Variants in CLMN observed in about 807,000 individuals in gnomAD.
CLMN encodes the protein calmin (calponin-like, transmembrane).
In CLMN, 57 loss-of-function variants were observed where a neutral mutation model predicts 92.7. That is an observed-to-expected ratio of 0.61 (90% CI 0.50 to 0.77). The LOEUF is 0.77. Ranked by LOEUF, CLMN falls within the 30% of genes least tolerant of loss-of-function variation. The pLI, the probability that CLMN is intolerant of heterozygous loss-of-function variation, is 0.00. For missense variants in CLMN, 1,158 were observed against 1,237.5 expected, an observed-to-expected ratio of 0.94 and a Z score of 0.96; for synonymous variants, 466 against 470.6, an observed-to-expected ratio of 0.99 and a Z score of 0.13.
chr14:95,302,748 A>G lies in CLMN; in HGVS notation c.82+16963T>C, dbSNP rs1177072411. On this transcript the variant is annotated intron_variant, in intron 1 of 12. Coordinates refer to ENST00000298912, the MANE Select transcript of CLMN (RefSeq NM_024734.4). ...GGGCTTGACTATTTGTTCAAGTGACATTACAGATAGAAGAGACCAACACAC... is the reference window on the plus strand; with the variant it reads ...GGGCTTGACTATTTGTTCAAGTGACGTTACAGATAGAAGAGACCAACACAC... Among the ~76,000 whole-genome samples, 3 of 152,186 alleles carry G rather than the reference A, an allele frequency of 2.0e-5. No homozygotes were observed. In the East Asian group the frequency reaches 5.8e-4, roughly 29 times the overall value.
At position 95,268,494 on chromosome 14, in the gene CLMN, G is replaced by C. The variant is rs116646859; in HGVS notation, c.83-38361C>G. Among the ~76,000 whole-genome samples the C allele has an allele frequency of 1.4e-3, 220 of 152,212 alleles. 1 individual carries two copies. The highest frequency in any genetic ancestry group is 5.1e-3 in the African/African-American group (212 of 41,548). ...ACTGGATTTGAAGTTGCTGGGGGTA[G>C]TGACTGAGAAGGAAGGGTGGGGGCA... On this transcript the variant is annotated intron_variant, in intron 1 of 12. Coordinates refer to ENST00000298912, the MANE Select transcript of CLMN (RefSeq NM_024734.4).
rs774481758 is a variant in CLMN, at chr14:95,203,561, C to T, written c.1788G>A (p.Glu596=). Reference sequence around the variant, plus strand: ...GTTTTTCAGCATGATTCTCAAAAGCCTCAGCATCCTCGTCAGGTTTTGTCT... The same window carrying T: ...GTTTTTCAGCATGATTCTCAAAAGCTTCAGCATCCTCGTCAGGTTTTGTCT... ...PHETKPDEDA[E]AFENHAEKLG... Residue 596 remains glutamate (E), a synonymous_variant, in exon 9 of 13, where the codon GAG becomes GAA. Coordinates refer to ENST00000298912, the MANE Select transcript of CLMN (RefSeq NM_024734.4). 1 of 1,614,158 alleles carries T rather than the reference C, an allele frequency of 6.2e-7. No homozygotes were observed. The highest frequency in any genetic ancestry group is 1.1e-5 in the South Asian group (1 of 91,078).
chr14:95,233,534 C>T (rs1051995530), intron 1 of CLMN, among the ~76,000 whole-genome samples: 1 of 152,198 alleles, frequency 6.6e-6, no homozygotes, highest in Non-Finnish European at 1.5e-5. Flanking sequence ...ATGATAGGCT[C>T]TCTGGGCAAA....
chr14:95,238,993 G>A (rs529339420), intron 1 of CLMN, among the ~76,000 whole-genome samples: 54 of 152,178 alleles, frequency 3.5e-4, no homozygotes, highest in African/African-American at 1.1e-3. Context: ...AAATAAAACC[G>A]CTCTAGTTTT....
At chr14:95,262,490 G>C (rs76919854) in intron 1 of CLMN, among the ~76,000 whole-genome samples, 13,801 of 152,250 alleles carry the variant, frequency 0.091, 649 homozygotes, top group African/African-American at 0.12. Flanking sequence ...GGCAGGCACT[G>C]TGCTTAGGGC....
At chr14:95,283,390 AC>A (rs1441489125) in intron 1 of CLMN, among the ~76,000 whole-genome samples, 3 of 152,220 alleles carry the variant, frequency 2.0e-5, no homozygotes, top group Non-Finnish European at 4.4e-5. Context: ...TGAAAAATGA[AC>A]TAATACAGTA....
At chr14:95,224,790 CATCT>C (rs1485220157) in intron 2 of CLMN, among the ~76,000 whole-genome samples, 1 of 152,204 alleles carries the variant, frequency 6.6e-6, no homozygotes, top group Non-Finnish European at 1.5e-5. Context: ...AGGGCTCCCC[CATCT>C]CCAAGACTGC....
chr14:95,241,008 T>C (rs2140654626), intron 1 of CLMN, among the ~76,000 whole-genome samples: 1 of 152,282 alleles, frequency 6.6e-6, no homozygotes, highest in East Asian at 1.9e-4. Flanking sequence ...ATCTGTTGTG[T>C]TGTCCCTTAG....
intron 1 of CLMN, among the ~76,000 whole-genome samples, chr14:95,306,081 A>G (rs1008635001): frequency 3.9e-5 from 6 of 152,216 alleles, no homozygotes; most frequent in African/African-American, 1.4e-4. Flanking sequence ...GGCAGGAAGC[A>G]GGAGATCTGA....
intron 4 of CLMN, among the ~76,000 whole-genome samples, chr14:95,220,734 G>C (rs1897510180): frequency 6.6e-6 from 1 of 152,242 alleles, no homozygotes; most frequent in Non-Finnish European, 1.5e-5. Flanking sequence ...CTGAGGCCCA[G>C]GCTGTGCAGC....
Position 95,191,775 on chromosome 14 carries a change from C to T in CLMN, c.2841-43G>A. 1.3e-6 allele frequency: 2 copies of T among 1,560,564 alleles called. No individual in the cohort carries two copies. The highest frequency in any genetic ancestry group is 2.3e-5 in the East Asian group (1 of 44,232). On this transcript the variant is annotated intron_variant, in intron 12 of 12. Coordinates refer to ENST00000298912, the MANE Select transcript of CLMN (RefSeq NM_024734.4). The surrounding 1 kb of genome is among the most constrained non-coding windows in gnomAD (Gnocchi z 5.3). ...AGGAAACGCAGTTACCAAGCAGGTT[C>T]CCAGGAAAGTGGACCCCACCCAGTG...
In CLMN at chr14:95,294,688, T is replaced by G. The variant is rs1693987455; in HGVS notation, c.82+25023A>C. 6.6e-6 allele frequency among the ~76,000 whole-genome samples: 1 copy of G among 152,172 alleles called. No homozygotes were observed. The highest frequency in any genetic ancestry group is 1.5e-5 in the Non-Finnish European group (1 of 68,036). ...GCACACCCCTCCTCCTACTTCATCT[T>G]CCTTTCTCTCCCTGCCCTGTGTCCT... On this transcript the variant is annotated intron_variant, in intron 1 of 12. Coordinates refer to ENST00000298912, the MANE Select transcript of CLMN (RefSeq NM_024734.4). The surrounding 1 kb of genome is among the most constrained non-coding windows in gnomAD (Gnocchi z 4.2).
chr14:95,199,398 T>G (rs770992456), intron 9 of CLMN: 2 of 152,204 alleles, frequency 1.3e-5, no homozygotes, highest in Non-Finnish European at 2.9e-5. Context: ...TCCCGCAGGG[T>G]GCAAGCCTCT....
chr14:95,198,054 T>C (rs1363778907), intron 9 of CLMN, among the ~76,000 whole-genome samples: 1 of 143,958 alleles, frequency 6.9e-6, no homozygotes, highest in Non-Finnish European at 1.5e-5. Context: ...TTTTTTTTTT[T>C]TTTTTTTTTT....
rs17091896 is a variant in CLMN at position 95,194,840 on chromosome 14, G to A, written c.2709-244C>T. Among the ~76,000 whole-genome samples the A allele has an allele frequency of 8.3e-3, 1,268 of 152,308 alleles. 16 individuals are homozygous for A. The highest frequency in any genetic ancestry group is 0.029 in the African/African-American group (1,195 of 41,548). ...CATCTACAAGAAAAATCAAAGTCAG[G>A]ATTTTAAATAGAAAGCAAGGCACAT... On this transcript the variant is annotated intron_variant, in intron 10 of 12. Transcript: ENST00000298912. This position sits in a 1 kb window ranked among gnomAD's most constrained non-coding sequence, Gnocchi z 4.0.
intron 1 of CLMN, among the ~76,000 whole-genome samples, chr14:95,236,295 C>T (rs1898053595): frequency 2.6e-5 from 4 of 152,128 alleles, no homozygotes; most frequent in Admixed American, 2.0e-4. Flanking sequence ...TGCTCTTCAG[C>T]CAGGCGGGGG....
rs1295536225 is a variant in CLMN at position 95,184,267 on chromosome 14, C to T, written c.*7297G>A. ...AATCTAAATCTGGCTGACTCCCAAA[C>T]CTGACTTCTTTCTCTAGCCCACAAT... On this transcript the variant is annotated 3_prime_UTR_variant, in exon 13 of 13. Coordinates refer to ENST00000298912, the MANE Select transcript of CLMN (RefSeq NM_024734.4). 1 of 152,188 alleles carries T rather than the reference C, an allele frequency of 6.6e-6. No homozygotes were observed. Among genetic ancestry groups the T allele is most frequent in the Non-Finnish European group, 1.5e-5 (1 of 68,038 alleles). The allele number at this position is 152,188 out of a possible 1,614,324, so 9.4% of individuals were successfully genotyped here. A position where few individuals can be genotyped will look rare whatever the true frequency, so the allele number is the denominator to read the frequency against.
intron 1 of CLMN, among the ~76,000 whole-genome samples, chr14:95,317,853 C>T (rs1901864024): frequency 6.6e-6 from 1 of 152,110 alleles, no homozygotes; most frequent in South Asian, 2.1e-4. Flanking sequence ...TAAACATATA[C>T]ATACATTTAA....
chr14:95,267,049 T>G (rs1899500513), intron 1 of CLMN, among the ~76,000 whole-genome samples: 1 of 152,054 alleles, frequency 6.6e-6, no homozygotes, highest in South Asian at 2.1e-4. Flanking sequence ...ACTAAAGACT[T>G]TAAGACCTAA....
Sources: gnomAD v4.1 joint callset for allele counts (sites outside exome capture counted in the v4.1 genomes callset) on GRCh38, gnomAD v4.1.1 for gene constraint, Gnocchi (gnomAD v3.1) non-coding constraint, MANE v1.5 for transcripts, NCBI Gene and HGNC (gene_info 2026-07-23, HGNC 2026-07-21) for gene names.